The following RORA variants were observed in gnomAD, a reference collection of about 807,000 sequenced individuals.
RORA encodes nuclear receptor ROR-alpha.
A neutral mutation model predicts 69.5 loss-of-function variants in RORA; 7 were observed. That is an observed-to-expected ratio of 0.10 (90% CI 0.06 to 0.19). The LOEUF is 0.19. RORA is among the 10% of genes least tolerant of loss of function. The pLI is 1.00. For synonymous variants in RORA, 261 were observed against 240.8 expected, an observed-to-expected ratio of 1.08 and a Z score of -0.78; for missense variants, 457 against 663.0, an observed-to-expected ratio of 0.69 and a Z score of 3.41.
chr15:60,780,166 G>T (rs1282151854), intron 1 of RORA, among the ~76,000 whole-genome samples: 2 of 152,058 alleles, frequency 1.3e-5, no homozygotes, highest in Non-Finnish European at 2.9e-5. Context: ...TTTTTGCCAC[G>T]CTGGGAGTGG....
chr15:60,859,274 C>T (rs775504657), intron 1 of RORA, among the ~76,000 whole-genome samples: 6 of 152,018 alleles, frequency 3.9e-5, no homozygotes, highest in Non-Finnish European at 7.4e-5. Flanking sequence ...ATGGCTTTGT[C>T]GTCTTCATCT....
intron 2 of RORA, among the ~76,000 whole-genome samples, chr15:60,628,559 G>C (rs1277485036): frequency 3.9e-5 from 6 of 152,058 alleles, no homozygotes; most frequent in Admixed American, 2.6e-4. Flanking sequence ...ATACAGACAG[G>C]GTCTTGCCAT....
intron 1 of RORA, among the ~76,000 whole-genome samples, chr15:60,805,507 T>A (rs983485992): frequency 6.6e-6 from 1 of 152,206 alleles, no homozygotes; most frequent in Admixed American, 6.5e-5. Flanking sequence ...TTGGGAAACT[T>A]ACCTACCTTC....
rs569400908 is a variant in RORA, at chr15:60,974,163, G to A, written c.166+254890C>T. Among the ~76,000 whole-genome samples, 21 of 152,308 alleles carry A rather than the reference G, an allele frequency of 1.4e-4. 1 individual carries two copies. In the South Asian group the frequency reaches 4.4e-3, roughly 32 times the overall value. ...TGCCCCTGCCCCCACCCTGGCCCCC[G>A]TGGAACCCACGTCAAGGAGCATCAG... On this transcript the variant is annotated intron_variant, in intron 1 of 10. Coordinates refer to ENST00000335670, the MANE Select transcript of RORA (RefSeq NM_134261.3).
chr15:61,072,020 T>C (rs2078374127), intron 1 of RORA, among the ~76,000 whole-genome samples: 1 of 152,100 alleles, frequency 6.6e-6, no homozygotes, highest in South Asian at 2.1e-4. Flanking sequence ...TACTATTTTT[T>C]CACCCTGGAG....
intron 2 of RORA, among the ~76,000 whole-genome samples, chr15:60,540,319 G>T (rs2066821531): frequency 6.6e-6 from 1 of 152,102 alleles, no homozygotes; most frequent in African/African-American, 2.4e-5. Context: ...CAACAGAAAA[G>T]AACATCTTTA....
At chr15:60,819,456 C>T (rs1007270770) in intron 1 of RORA, among the ~76,000 whole-genome samples, 1 of 152,086 alleles carries the variant, frequency 6.6e-6, no homozygotes, top group Non-Finnish European at 1.5e-5. Context: ...TTCTTCATTC[C>T]TGGGCCTGCC....
chr15:61,017,707 C>G (rs907249290), intron 1 of RORA, among the ~76,000 whole-genome samples: 6 of 152,058 alleles, frequency 3.9e-5, no homozygotes, highest in Admixed American at 6.5e-5. Context: ...CACGAGCCCC[C>G]CAAAAAGGCA....
chr15:60,792,331 C>T (rs1397852800), intron 1 of RORA, among the ~76,000 whole-genome samples: 2 of 152,040 alleles, frequency 1.3e-5, no homozygotes, highest in Non-Finnish European at 2.9e-5. Context: ...AAACAGTATA[C>T]ATATATGAAA....
chr15:60,601,315 CTAA>C lies in RORA; in HGVS notation c.197-69467_197-69465del, dbSNP rs575169515. Among the ~76,000 whole-genome samples, 565 of 152,224 alleles carry C rather than the reference CTAA, an allele frequency of 3.7e-3. 2 individuals carry two copies. Among genetic ancestry groups the C allele is most frequent in the African/African-American group, 0.013 (553 of 41,528 alleles). On this transcript the variant is annotated intron_variant, in intron 2 of 10. Coordinates refer to ENST00000335670, the MANE Select transcript of RORA (RefSeq NM_134261.3). ...AATGTAGTAAATTATTTAATTACTA[CTAA>C]TGAGGAAACATACTGTACATGGTTG...
intron 1 of RORA, among the ~76,000 whole-genome samples, chr15:60,728,676 T>A (rs1459855795): frequency 6.6e-6 from 1 of 152,174 alleles, no homozygotes; most frequent in East Asian, 1.9e-4. Context: ...ACTAAAAGGA[T>A]CTGCAGAAAC....
chr15:60,887,976 T>C (rs2073770275), intron 1 of RORA, among the ~76,000 whole-genome samples: 1 of 152,100 alleles, frequency 6.6e-6, no homozygotes, highest in Non-Finnish European at 1.5e-5. Flanking sequence ...AATCTAAAAA[T>C]TAGCCCGACT....
chr15:61,202,712 CCT>C (rs1163588854), intron 1 of RORA, among the ~76,000 whole-genome samples: 1 of 152,048 alleles, frequency 6.6e-6, no homozygotes, highest in East Asian at 1.9e-4. Context: ...AAACTCTACC[CCT>C]TGCCCAAGGA....
At chr15:60,839,807 A>G (rs1000928277) in intron 1 of RORA, among the ~76,000 whole-genome samples, 2 of 152,166 alleles carry the variant, frequency 1.3e-5, no homozygotes, top group Non-Finnish European at 2.9e-5. Flanking sequence ...AGGAAATAAA[A>G]TCCCATGCTT....
chr15:60,970,746 C>A (rs1238113563), intron 1 of RORA, among the ~76,000 whole-genome samples: 1 of 152,154 alleles, frequency 6.6e-6, no homozygotes, highest in East Asian at 1.9e-4. Context: ...TTATCTGAGG[C>A]CCTCCAAACT....
chr15:60,830,608 T>C (rs1380325130), intron 1 of RORA, among the ~76,000 whole-genome samples: 2 of 152,244 alleles, frequency 1.3e-5, no homozygotes, highest in African/African-American at 2.4e-5. Context: ...CTGATGCAGA[T>C]TGAAAACTTT....
intron 1 of RORA, among the ~76,000 whole-genome samples, chr15:60,727,931 C>T (rs533157854): frequency 6.6e-6 from 1 of 152,320 alleles, no homozygotes; most frequent in East Asian, 1.9e-4. Flanking sequence ...GCTTCACCTC[C>T]TCCTGGCAAA....
At chr15:61,183,523 G>A (rs1323926531) in intron 1 of RORA, among the ~76,000 whole-genome samples, 1 of 129,354 alleles carries the variant, frequency 7.7e-6, no homozygotes, top group Admixed American at 8.4e-5. Context: ...CAACAAGAGT[G>A]AGACTGTTTC....
At chr15:61,136,513 A>G (rs1200961874) in intron 1 of RORA, among the ~76,000 whole-genome samples, 1 of 152,154 alleles carries the variant, frequency 6.6e-6, no homozygotes, top group African/African-American at 2.4e-5. Flanking sequence ...TATTTTTTTC[A>G]TTAAAGAAAG....
Sources: allele counts gnomAD v4.1 joint callset (sites outside exome capture counted in the v4.1 genomes callset), GRCh38; gene constraint gnomAD v4.1.1; transcripts MANE v1.5; gene names NCBI Gene and HGNC (gene_info 2026-07-23, HGNC 2026-07-21).